Variants in PDHX observed in about 807,000 individuals in gnomAD.
The protein encoded by PDHX is pyruvate dehydrogenase complex component X, also known as pyruvate dehydrogenase protein X component, mitochondrial.
Under a neutral mutation model 55.3 loss-of-function variants are expected in PDHX, and 33 were observed. The observed-to-expected ratio is 0.60, with a 90% CI of 0.45 to 0.80. The LOEUF is 0.80. Ranked by LOEUF, PDHX falls within the 30% of genes least tolerant of loss-of-function variation. The pLI, the probability that PDHX is intolerant of heterozygous loss-of-function variation, is 0.00. For synonymous variants in PDHX, 226 were observed against 219.4 expected, an observed-to-expected ratio of 1.03 and a Z score of -0.27; for missense variants, 622 against 619.9, an observed-to-expected ratio of 1.00 and a Z score of -0.04.
intron 3 of PDHX, among the ~76,000 whole-genome samples, chr11:34,950,370 T>TTTATTA (rs768914746): frequency 4.0e-5 from 6 of 149,686 alleles, no homozygotes; most frequent in Non-Finnish European, 5.9e-5. Flanking sequence ...ATTTATTTAT[T>TTTATTA]TTATTATTAT....
At chr11:34,960,546 G>A (rs768986844) in intron 5 of PDHX, 28 bp downstream of exon 5, 4 of 1,261,602 alleles carry the variant, frequency 3.2e-6, no homozygotes, top group Non-Finnish European at 4.6e-6. Context: ...GTAATAACCA[G>A]TTCCATTATT....
rs75182779 is a variant in PDHX, at chr11:34,957,479, C to T, written c.438C>T (p.Asp146=). 3.1e-3 allele frequency: 4,948 copies of T among 1,613,618 alleles called. 136 individuals are homozygous for T. The African/African-American group carries it at 0.058, about 19-fold the overall frequency. ...GGAAACATGTTGAAATTCCCAAAGA[C>T]GTAGGTCCTCCACCACCAGTTTCAA... The part of the protein sequence containing the change: ...EDWKHVEIPK[D]VGPPPPVSKP... Residue 146 remains aspartate, a synonymous_variant, in exon 4 of 11, where the codon GAC becomes GAT. Coordinates refer to ENST00000227868, the MANE Select transcript of PDHX (RefSeq NM_003477.3).
At chr11:34,922,665 A>G (rs12270487) in intron 1 of PDHX, among the ~76,000 whole-genome samples, 28,796 of 152,102 alleles carry the variant, frequency 0.19, 3,892 homozygotes, top group African/African-American at 0.39. Flanking sequence ...GTGACAGCCT[A>G]TCATTTTAGA....
intron 2 of PDHX, among the ~76,000 whole-genome samples, chr11:34,935,045 G>T (rs1434831264): frequency 6.6e-6 from 1 of 152,218 alleles, no homozygotes; most frequent in African/African-American, 2.4e-5. Context: ...AGAGGGTAGG[G>T]AGGGGTATAA....
Position 34,957,461 on chromosome 11 carries a change from T to C in PDHX, c.420T>C (p.His140=), listed in dbSNP as rs766133140. The C allele has an allele frequency of 3.1e-6, 5 of 1,613,796 alleles. No individual in the cohort carries two copies. Among genetic ancestry groups the C allele is most frequent in the South Asian group, 1.1e-5 (1 of 91,074 alleles). ...TAGAAGAAGGAGAAGATTGGAAACA[T>C]GTTGAAATTCCCAAAGACGTAGGTC... ...LIVEEGEDWK[H]VEIPKDVGPP... Residue 140 remains histidine, a synonymous_variant, in exon 4 of 11, where the codon CAT becomes CAC. Coordinates refer to ENST00000227868, the MANE Select transcript of PDHX (RefSeq NM_003477.3).
chr11:34,979,670 TTTAA>T (rs1465078606), intron 8 of PDHX, among the ~76,000 whole-genome samples: 8 of 152,128 alleles, frequency 5.3e-5, no homozygotes, highest in East Asian at 1.9e-4. Flanking sequence ...ATATTAATGA[TTTAA>T]TTAATTGACT....
At chr11:34,936,785 T>TTTCTA (rs1554985031) in intron 2 of PDHX, among the ~76,000 whole-genome samples, 2 of 88,864 alleles carry the variant, frequency 2.3e-5, no homozygotes, top group Non-Finnish European at 4.1e-5. Flanking sequence ...TTTCTTTTCT[T>TTTCTA]TTTTTTTTTT....
At chr11:34,949,017 CT>C (rs956819748) in intron 3 of PDHX, among the ~76,000 whole-genome samples, 1 of 152,166 alleles carries the variant, frequency 6.6e-6, no homozygotes, top group African/African-American at 2.4e-5. Context: ...GCCAATTCAT[CT>C]GGCCCCTATG....
chr11:34,945,232 C>G (rs752906485), intron 2 of PDHX, among the ~76,000 whole-genome samples: 2 of 152,102 alleles, frequency 1.3e-5, no homozygotes, highest in South Asian at 2.1e-4. Context: ...ATTTCCTTAC[C>G]TATCTTATTA....
At chr11:34,927,656 GC>G (rs1292038240) in intron 1 of PDHX, among the ~76,000 whole-genome samples, 4 of 152,084 alleles carry the variant, frequency 2.6e-5, no homozygotes, top group African/African-American at 9.7e-5. Flanking sequence ...AAGAGGGTAT[GC>G]TAGAATGAAA....
At chr11:34,937,014 C>T (rs1854337437) in intron 2 of PDHX, among the ~76,000 whole-genome samples, 1 of 151,982 alleles carries the variant, frequency 6.6e-6, no homozygotes, top group African/African-American at 2.4e-5. Context: ...GAATTTCTGA[C>T]CTCAAGTGAT....
intron 7 of PDHX, among the ~76,000 whole-genome samples, chr11:34,974,188 C>G (rs1022745165): frequency 6.6e-6 from 1 of 152,182 alleles, no homozygotes; most frequent in Non-Finnish European, 1.5e-5. Context: ...TCCCACCACC[C>G]CTGACAATCA....
intron 2 of PDHX, among the ~76,000 whole-genome samples, chr11:34,933,146 C>T (rs1220283799): frequency 1.3e-5 from 2 of 152,156 alleles, no homozygotes; most frequent in Non-Finnish European, 2.9e-5. Flanking sequence ...TGTTTTGTCT[C>T]TTTGACTTTG....
chr11:34,951,182 G>C (rs181592469), intron 3 of PDHX, among the ~76,000 whole-genome samples: 1 of 148,662 alleles, frequency 6.7e-6, no homozygotes, highest in Non-Finnish European at 1.5e-5. Context: ...TCAGCCTCCC[G>C]AGTAGCTGGG....
chr11:34,969,474 G>T lies in PDHX; in HGVS notation c.817-665G>T, dbSNP rs562737578. 1.5e-3 allele frequency among the ~76,000 whole-genome samples: 226 copies of T among 151,928 alleles called. 4 individuals carry two copies. The South Asian group carries it at 0.046, about 31-fold the overall frequency. On this transcript the variant is annotated intron_variant, in intron 6 of 10. Coordinates refer to ENST00000227868, the MANE Select transcript of PDHX (RefSeq NM_003477.3). ...TTCTGCTGCCTCAGCCTCCTGAGTA[G>T]CTGGGATTACAGGCACGCGCCACCA...
chr11:34,922,622 A>G (rs1165512129), intron 1 of PDHX, among the ~76,000 whole-genome samples: 2 of 152,210 alleles, frequency 1.3e-5, no homozygotes, highest in African/African-American at 4.8e-5. Context: ...GAAATCAGAC[A>G]TAGTAATAAC....
chr11:34,959,014 C>T (rs1854964016), intron 4 of PDHX, among the ~76,000 whole-genome samples: 1 of 152,036 alleles, frequency 6.6e-6, no homozygotes, highest in Admixed American at 6.6e-5. Context: ...CCCTGAAATG[C>T]AGCAAGTTCC....
At chr11:34,994,882 G>A (rs1855826104) in intron 10 of PDHX, 32 bp from the exon 11 acceptor site, 3 of 1,612,776 alleles carry the variant, frequency 1.9e-6, no homozygotes, top group Non-Finnish European at 2.5e-6. Context: ...TTAAGGACAT[G>A]CCTCCTTCAG....
chr11:34,917,896 T>G (rs78510409), intron 1 of PDHX, among the ~76,000 whole-genome samples: 19,800 of 152,180 alleles, frequency 0.13, 1,751 homozygotes, highest in African/African-American at 0.26. Flanking sequence ...TCCTAGAGAT[T>G]CGGTCTGGTC....
Sources: allele counts gnomAD v4.1 joint callset (sites outside exome capture counted in the v4.1 genomes callset), GRCh38; gene constraint gnomAD v4.1.1; transcripts MANE v1.5; gene names NCBI Gene and HGNC (gene_info 2026-07-23, HGNC 2026-07-21).